RFFL: variants seen among roughly 807,000 people sequenced by gnomAD.
RFFL encodes the protein E3 ubiquitin-protein ligase rififylin.
A neutral mutation model predicts 40.4 loss-of-function variants in RFFL; 16 were observed. The ratio of observed to expected loss-of-function variants is 0.40; its 90% CI spans 0.27 to 0.60. RFFL has a LOEUF of 0.60. Among genes scored for constraint, RFFL ranks in the 20% least tolerant of loss-of-function variants. The pLI is 0.47. For missense variants in RFFL, 367 were observed against 451.7 expected (o/e 0.81, Z 1.70); for synonymous variants, 154 against 167.9 (o/e 0.92, Z 0.64).
intron 1 of RFFL, among the ~76,000 whole-genome samples, chr17:35,086,607 A>G (rs2091431293): frequency 6.6e-6 from 1 of 152,194 alleles, no homozygotes; most frequent in South Asian, 2.1e-4. Context: ...ACCAGTAACC[A>G]TTACCAAACA....
rs117648761 is a variant in RFFL, at chr17:35,006,165, G to A, written c.*5803C>T. On this transcript the variant is annotated 3_prime_UTR_variant, in exon 7 of 7. Transcript: ENST00000394597. ...ACAAAAGGAAGAGAGACAATTTAGT[G>A]TAGACAAGTGCTATTCAATAGAACT... 1,765 of 161,000 alleles carry A rather than the reference G, an allele frequency of 0.011. 15 individuals are homozygous for A. Among genetic ancestry groups the A allele is most frequent in the Non-Finnish European group, 0.019 (1,387 of 73,388 alleles). The allele number at this position is 161,000 out of a possible 1,614,324, so 10.0% of individuals were successfully genotyped here.
intron 1 of RFFL, among the ~76,000 whole-genome samples, chr17:35,051,960 T>C (rs1163964882): frequency 1.3e-5 from 2 of 152,242 alleles, no homozygotes; most frequent in Non-Finnish European, 2.9e-5. Flanking sequence ...CATTCAGTTC[T>C]AGAAGTAAAC....
At chr17:35,061,670 C>A (rs111325532) in intron 1 of RFFL, among the ~76,000 whole-genome samples, 9 of 144,666 alleles carry the variant, frequency 6.2e-5, no homozygotes, top group Non-Finnish European at 1.0e-4. Context: ...ACCATGTTGG[C>A]CAGGATGGTC....
At chr17:35,055,671 C>CAAAAA (rs1475235052) in intron 1 of RFFL, among the ~76,000 whole-genome samples, 2 of 125,970 alleles carry the variant, frequency 1.6e-5, no homozygotes, top group African/African-American at 7.8e-5. Context: ...AACTCCATCT[C>CAAAAA]AAAAAAAAAC....
intron 1 of RFFL, chr17:35,069,458 G>A (rs920661837): frequency 2.6e-6 from 1 of 386,876 alleles, no homozygotes. Flanking sequence ...CAGCTTGAAT[G>A]TCCCATCAAG....
chr17:35,031,717 G>A (rs2091084180), intron 1 of RFFL, among the ~76,000 whole-genome samples: 1 of 151,890 alleles, frequency 6.6e-6, no homozygotes, highest in African/African-American at 2.4e-5. Context: ...TCATGATGTG[G>A]GAGTAACTGG....
chr17:35,015,176 A>G (rs1380742405), intron 5 of RFFL, among the ~76,000 whole-genome samples: 1 of 152,166 alleles, frequency 6.6e-6, no homozygotes, highest in African/African-American at 2.4e-5. Flanking sequence ...CATGTTGCCT[A>G]TGCTGGTCTT....
intron 3 of RFFL, chr17:35,018,778 TCAA>T (rs2090989865): frequency 1.3e-5 from 2 of 152,270 alleles, no homozygotes; most frequent in Non-Finnish European, 2.9e-5. Context: ...AATGTCTTCA[TCAA>T]CAACGTTTTC....
chr17:35,080,544 G>A (rs1234924588), intron 1 of RFFL, among the ~76,000 whole-genome samples: 3 of 152,156 alleles, frequency 2.0e-5, no homozygotes, highest in East Asian at 3.9e-4. Context: ...GAGGATGCAC[G>A]ATTTACTTAA....
chr17:35,023,259 G>A (rs2091020614), intron 2 of RFFL, among the ~76,000 whole-genome samples: 1 of 152,230 alleles, frequency 6.6e-6, no homozygotes. Context: ...TCATAGTCAA[G>A]ATCACAGACA....
At chr17:35,042,841 A>AAAG (rs2091175384) in intron 1 of RFFL, among the ~76,000 whole-genome samples, 1 of 151,136 alleles carries the variant, frequency 6.6e-6, no homozygotes, top group Non-Finnish European at 1.5e-5. Flanking sequence ...AAAAAAAAAA[A>AAAG]AAAGAAAAGA....
chr17:35,069,049 G>A (rs2091334122), intron 1 of RFFL, among the ~76,000 whole-genome samples: 1 of 152,114 alleles, frequency 6.6e-6, no homozygotes, highest in Admixed American at 6.5e-5. Context: ...TGACTTAGCA[G>A]GCTCATGTCC....
At chr17:35,014,381 C>A (rs1190355466) in intron 6 of RFFL, among the ~76,000 whole-genome samples, 1 of 152,116 alleles carries the variant, frequency 6.6e-6, no homozygotes, top group Non-Finnish European at 1.5e-5. Context: ...CACAGAGACC[C>A]TCCCTACCCA....
chr17:35,072,218 T>C (rs545274649), intron 1 of RFFL, among the ~76,000 whole-genome samples: 1 of 150,636 alleles, frequency 6.6e-6, no homozygotes, highest in South Asian at 2.1e-4. Context: ...GAGGCAGAGG[T>C]TGCAGTAAGC....
intron 1 of RFFL, among the ~76,000 whole-genome samples, chr17:35,085,675 G>A (rs1284786796): frequency 6.6e-6 from 1 of 152,138 alleles, no homozygotes; most frequent in African/African-American, 2.4e-5. Flanking sequence ...GTAATCACCC[G>A]CCTCTGCCTC....
At chr17:35,030,350 C>T (rs2091074844) in intron 1 of RFFL, among the ~76,000 whole-genome samples, 1 of 150,578 alleles carries the variant, frequency 6.6e-6, no homozygotes, top group African/African-American at 2.5e-5. Flanking sequence ...CTCTCCAGCA[C>T]CTGTTGTTTC....
chr17:35,083,449 G>A (rs2091412482), intron 1 of RFFL, among the ~76,000 whole-genome samples: 1 of 152,076 alleles, frequency 6.6e-6, no homozygotes, highest in Admixed American at 6.6e-5. Context: ...CAATTTATAA[G>A]GAATTTCAAT....
At chr17:35,015,367 T>C (rs1437808814) in intron 5 of RFFL, among the ~76,000 whole-genome samples, 1 of 152,258 alleles carries the variant, frequency 6.6e-6, no homozygotes, top group Non-Finnish European at 1.5e-5. Context: ...GAAGTCAGCA[T>C]TAAAGTCAAG....
intron 1 of RFFL, among the ~76,000 whole-genome samples, chr17:35,051,460 C>A (rs1204926832): frequency 6.6e-6 from 1 of 152,150 alleles, no homozygotes; most frequent in Admixed American, 6.6e-5. Context: ...ATATCTGCTG[C>A]CAACTGGTTC....
Sources: allele counts gnomAD v4.1 joint callset (sites outside exome capture counted in the v4.1 genomes callset), GRCh38; gene constraint gnomAD v4.1.1; transcripts MANE v1.5; gene names NCBI Gene and HGNC (gene_info 2026-07-23, HGNC 2026-07-21).